Variants in PSD3 observed in about 807,000 individuals in gnomAD.
PSD3 encodes the protein PH and SEC7 domain-containing protein 3.
PSD3 carries 49 observed loss-of-function variants against 105.5 expected under a neutral mutation model. That is an observed-to-expected ratio of 0.46 (90% CI 0.37 to 0.59). PSD3 has a LOEUF of 0.59. Among genes scored for constraint, PSD3 ranks in the 20% least tolerant of loss-of-function variants. The probability of loss-of-function intolerance (pLI) is 0.00; values close to 1 mark genes in which losing one functional copy is unlikely to be tolerated. For missense variants in PSD3, 1,561 were observed against 1,263.8 expected (o/e 1.24, Z -3.57); for synonymous variants, 557 against 457.8 (o/e 1.22, Z -2.77).
At chr8:18,877,654 A>G (rs1436546534) in intron 2 of PSD3, among the ~76,000 whole-genome samples, 1 of 149,316 alleles carries the variant, frequency 6.7e-6, no homozygotes, top group Non-Finnish European at 1.5e-5. Flanking sequence ...CGATCCTCCC[A>G]CCTCAGACTT....
chr8:18,625,006 G>T (rs112695998), intron 11 of PSD3, among the ~76,000 whole-genome samples: 19 of 152,038 alleles, frequency 1.2e-4, no homozygotes, highest in African/African-American at 4.3e-4. Flanking sequence ...AAAGTATTGG[G>T]ATTACAGGTG....
chr8:19,065,886 C>G (rs965569765), intron 1 of PSD3, among the ~76,000 whole-genome samples: 4 of 152,218 alleles, frequency 2.6e-5, no homozygotes, highest in African/African-American at 9.6e-5. Flanking sequence ...ACCCTCTAAT[C>G]CTGCCTTGAT....
intron 4 of PSD3, among the ~76,000 whole-genome samples, chr8:18,839,479 A>G (rs1391061994): frequency 6.6e-6 from 1 of 152,146 alleles, no homozygotes; most frequent in Admixed American, 6.5e-5. Context: ...TTTTCCTCCC[A>G]CAACTCCTCA....
chr8:18,943,162 T>C (rs979142826), intron 1 of PSD3, among the ~76,000 whole-genome samples: 3 of 152,178 alleles, frequency 2.0e-5, no homozygotes, highest in East Asian at 1.9e-4. Context: ...AAAGGAGGCA[T>C]GGTGAAAAAG....
intron 1 of PSD3, among the ~76,000 whole-genome samples, chr8:19,083,531 C>T (rs1404538562): frequency 6.6e-6 from 1 of 152,202 alleles, no homozygotes; most frequent in Non-Finnish European, 1.5e-5. Context: ...CCAGGCTGCA[C>T]ATCCATTTGG....
intron 9 of PSD3, among the ~76,000 whole-genome samples, chr8:18,755,486 A>ACAT (rs61699522): frequency 6.6e-6 from 1 of 151,830 alleles, no homozygotes; most frequent in African/African-American, 2.4e-5. Flanking sequence ...ACATAACATA[A>ACAT]AAATGCTCCA....
chr8:18,543,340 C>T (rs62492887), intron 15 of PSD3, among the ~76,000 whole-genome samples: 8,955 of 152,136 alleles, frequency 0.059, 356 homozygotes, highest in Non-Finnish European at 0.087. Context: ...TATGGCCAGG[C>T]GCGGTGACTC....
intron 4 of PSD3, among the ~76,000 whole-genome samples, chr8:18,826,843 G>A (rs957416232): frequency 1.3e-5 from 2 of 152,154 alleles, no homozygotes; most frequent in Admixed American, 6.5e-5. Flanking sequence ...CAAATGTACT[G>A]TAAGTCCTGG....
At chr8:18,653,077 C>G (rs537085547) in intron 10 of PSD3, among the ~76,000 whole-genome samples, 1 of 152,264 alleles carries the variant, frequency 6.6e-6, no homozygotes, top group South Asian at 2.1e-4. Flanking sequence ...TTTGTTTGAG[C>G]TAGCATTCAT....
At chr8:18,624,018 T>C (rs1806309384) in intron 11 of PSD3, among the ~76,000 whole-genome samples, 2 of 152,182 alleles carry the variant, frequency 1.3e-5, no homozygotes, top group South Asian at 4.1e-4. Flanking sequence ...ATATACAAAA[T>C]CCATTCAATC....
At chr8:18,782,764 C>T (rs775428893) in intron 8 of PSD3, among the ~76,000 whole-genome samples, 2 of 152,128 alleles carry the variant, frequency 1.3e-5, no homozygotes, top group African/African-American at 2.4e-5. Context: ...TAACTTGGGG[C>T]CCCAAGCTAC....
chr8:19,064,519 T>C (rs1036392841), intron 1 of PSD3, among the ~76,000 whole-genome samples: 1 of 151,288 alleles, frequency 6.6e-6, no homozygotes, highest in African/African-American at 2.5e-5. Context: ...TTCTTTGTGT[T>C]AGGGACATTC....
intron 2 of PSD3, among the ~76,000 whole-genome samples, chr8:18,882,251 C>G (rs989795654): frequency 3.3e-5 from 5 of 152,026 alleles, no homozygotes; most frequent in Admixed American, 2.6e-4. Flanking sequence ...AAGACAGAAG[C>G]AAAAAAGCAG....
intron 1 of PSD3, among the ~76,000 whole-genome samples, chr8:18,992,333 C>A (rs1251207440): frequency 2.0e-5 from 3 of 151,822 alleles, no homozygotes; most frequent in Admixed American, 1.3e-4. Flanking sequence ...ATCTTCTAAT[C>A]TTCTGTTCAA....
chr8:19,009,354 G>C (rs1469953345), intron 1 of PSD3, among the ~76,000 whole-genome samples: 3 of 152,152 alleles, frequency 2.0e-5, no homozygotes, highest in African/African-American at 4.8e-5. Flanking sequence ...AAACAGAATG[G>C]TGGTTAAGAA....
intron 2 of PSD3, among the ~76,000 whole-genome samples, chr8:18,906,346 T>C (rs901217061): frequency 5.9e-5 from 9 of 152,210 alleles, no homozygotes; most frequent in Non-Finnish European, 1.0e-4. Context: ...CAAAGAAATT[T>C]CAATGCACTA....
chr8:18,608,998 C>A (rs1374861569), intron 11 of PSD3, among the ~76,000 whole-genome samples: 1 of 151,670 alleles, frequency 6.6e-6, no homozygotes, highest in Non-Finnish European at 1.5e-5. Flanking sequence ...CTTTTTTTTC[C>A]TTTTCCTCAT....
intron 10 of PSD3, among the ~76,000 whole-genome samples, chr8:18,652,106 T>C (rs1312804851): frequency 6.6e-6 from 1 of 152,106 alleles, no homozygotes; most frequent in South Asian, 2.1e-4. Context: ...AAAATCCAGG[T>C]AAGCCGGAAA....
intron 1 of PSD3, among the ~76,000 whole-genome samples, chr8:18,940,679 T>C (rs1822477671): frequency 6.6e-6 from 1 of 152,194 alleles, no homozygotes; most frequent in Non-Finnish European, 1.5e-5. Context: ...GATTTCCAAT[T>C]TATCTACTGT....
Sources: allele counts gnomAD v4.1 joint callset (sites outside exome capture counted in the v4.1 genomes callset), GRCh38; gene constraint gnomAD v4.1.1; transcripts MANE v1.5; gene names NCBI Gene and HGNC (gene_info 2026-07-23, HGNC 2026-07-21).